The following MTHFD1 variants were observed in gnomAD, a reference collection of about 807,000 sequenced individuals.
MTHFD1 encodes methylenetetrahydrofolate dehydrogenase, cyclohydrolase and formyltetrahydrofolate synthetase 1, also known as C-1-tetrahydrofolate synthase, cytoplasmic.
A neutral mutation model predicts 110.3 loss-of-function variants in MTHFD1; 44 were observed. The ratio of observed to expected loss-of-function variants is 0.40; its 90% CI spans 0.31 to 0.51. The LOEUF (loss-of-function observed/expected upper bound fraction) is 0.51. Ranked by LOEUF, MTHFD1 falls within the 20% of genes least tolerant of loss-of-function variation. The probability of loss-of-function intolerance (pLI) is 0.60; values close to 1 mark genes in which losing one functional copy is unlikely to be tolerated. For missense variants in MTHFD1, 909 were observed against 1,173.1 expected, an observed-to-expected ratio of 0.77 and a Z score of 3.29; for synonymous variants, 402 against 428.8, an observed-to-expected ratio of 0.94 and a Z score of 0.77.
intron 2 of MTHFD1, among the ~76,000 whole-genome samples, chr14:64,403,562 C>T (rs1459919511): frequency 6.7e-6 from 1 of 149,954 alleles, no homozygotes; most frequent in African/African-American, 2.4e-5. Context: ...GCCACTGCGC[C>T]CAGCCTTAAT....
chr14:64,454,920 C>T (rs1409541571), intron 26 of MTHFD1, 45 bp downstream of exon 26: 3 of 1,597,388 alleles, frequency 1.9e-6, no homozygotes, highest in South Asian at 1.1e-5. Flanking sequence ...CTGCACTTCT[C>T]GTCTGAAGTG....
chr14:64,444,565 A>T, intron 21 of MTHFD1, 128 bp from the exon 22 acceptor site: 2 of 1,059,224 alleles, frequency 1.9e-6, no homozygotes, highest in Admixed American at 1.9e-5. Context: ...TTAGGGCAGG[A>T]AATAATCTTA....
chr14:64,455,910 T>C (rs911972869), intron 26 of MTHFD1, among the ~76,000 whole-genome samples: 34 of 152,336 alleles, frequency 2.2e-4, no homozygotes, highest in African/African-American at 7.7e-4. Flanking sequence ...TAGCTCTCTA[T>C]AGAGAGCAGA....
In MTHFD1 at chr14:64,424,853, C is replaced by G. The variant is rs138933024; in HGVS notation, c.777C>G (p.Asp259Glu). 1 of 1,613,974 alleles carries G rather than the reference C, an allele frequency of 6.2e-7. No homozygotes were observed. The highest frequency in any genetic ancestry group is 1.3e-5 in the African/African-American group (1 of 74,902). ...GRKVVGDVAYDEAKERASFIT... is the reference protein window; with the variant it reads ...GRKVVGDVAYEEAKERASFIT... The stretch of plus-strand genomic sequence containing the variant: ...AAGTTGTGGGTGATGTGGCATACGA[C>G]GAGGCCAAAGAGAGGGCGAGCTTCA... Residue 259 changes from aspartate (D) to glutamate (E), a missense_variant, in exon 9 of 28, where the codon GAC becomes GAG. Physicochemically the swap from Asp to Glu is conservative, Grantham distance 45. Around this residue, in one of 3 missense-constraint regions of MTHFD1, gnomAD observed 424 missense variants for 510.4 expected, o/e 0.83. Transcript: ENST00000652337.
rs140430249 is a variant in MTHFD1 at position 64,392,076 on chromosome 14, C to G, written c.41+3608C>G. Among the ~76,000 whole-genome samples, 110 of 152,320 alleles carry G rather than the reference C, an allele frequency of 7.2e-4. No homozygotes were observed. In the East Asian group the frequency reaches 0.016, roughly 23 times the overall value. ...GGAGTCATAGTCTTTGTAAAAGTGA[C>G]TTACGGGCAAAGACTTGAAGGAGGT... On this transcript the variant is annotated intron_variant, in intron 1 of 27. Coordinates refer to ENST00000652337, the MANE Select transcript of MTHFD1 (RefSeq NM_005956.4).
chr14:64,444,267 G>C (rs1478792083), intron 21 of MTHFD1, among the ~76,000 whole-genome samples: 2 of 152,134 alleles, frequency 1.3e-5, no homozygotes, highest in Non-Finnish European at 2.9e-5. Context: ...CTGTGGACCA[G>C]TTCATGAAAC....
intron 2 of MTHFD1, among the ~76,000 whole-genome samples, chr14:64,402,779 A>G (rs1162150565): frequency 2.8e-5 from 3 of 106,110 alleles, no homozygotes; most frequent in African/African-American, 1.1e-4. Flanking sequence ...ACTGTACTCC[A>G]GCTTAGGTGA....
At chr14:64,416,687 A>G (rs1335471725) in intron 6 of MTHFD1, among the ~76,000 whole-genome samples, 1 of 152,230 alleles carries the variant, frequency 6.6e-6, no homozygotes, top group Non-Finnish European at 1.5e-5. Context: ...TTGGCAAGAA[A>G]AGGTCAAAGG....
chr14:64,457,459 CTT>C (rs35789478), intron 26 of MTHFD1, among the ~76,000 whole-genome samples: 23 of 143,082 alleles, frequency 1.6e-4, no homozygotes, highest in Admixed American at 1.4e-4. Context: ...TTTTCTTTTC[CTT>C]TTTTTTTTTT....
intron 16 of MTHFD1, among the ~76,000 whole-genome samples, chr14:64,438,198 A>G (rs2078221522): frequency 6.6e-6 from 1 of 152,112 alleles, no homozygotes; most frequent in South Asian, 2.1e-4. Context: ...ATACACCCCT[A>G]ACACCTTACC....
intron 24 of MTHFD1, among the ~76,000 whole-genome samples, chr14:64,450,004 C>G (rs1011775103): frequency 1.3e-4 from 20 of 152,186 alleles, no homozygotes; most frequent in African/African-American, 4.8e-4. Context: ...CTTGGCCAGG[C>G]TGGTCTCGAA....
At position 64,412,625 on chromosome 14, in the gene MTHFD1, C is replaced by T. The variant is rs963147794; in HGVS notation, c.240+100C>T. 2.6e-5 allele frequency: 20 copies of T among 775,744 alleles called. No individual in the cohort carries two copies. The Admixed American group carries it at 2.6e-4, about 10-fold the overall frequency. 48.1% of individuals were successfully genotyped at this position (775,744 alleles called of 1,614,324 possible). On this transcript the variant is annotated intron_variant, in intron 4 of 27. Transcript: ENST00000652337. ...TGGGGACTGACACATTTAGCCAAGACCTCCAGGTATTTTTTTTTTTTTTTT... is the reference window on the plus strand; with the variant it reads ...TGGGGACTGACACATTTAGCCAAGATCTCCAGGTATTTTTTTTTTTTTTTT...
intron 16 of MTHFD1, among the ~76,000 whole-genome samples, chr14:64,436,810 T>G (rs374560364): frequency 5.3e-5 from 8 of 152,370 alleles, no homozygotes; most frequent in African/African-American, 1.9e-4. Context: ...AAGTCCATTT[T>G]GAAGATTTAG....
At chr14:64,395,152 T>A (rs886527318) in intron 1 of MTHFD1, among the ~76,000 whole-genome samples, 1 of 152,242 alleles carries the variant, frequency 6.6e-6, no homozygotes, top group African/African-American at 2.4e-5. Flanking sequence ...CCTTGTCTTG[T>A]CTCATAACTC....
chr14:64,406,225 G>C (rs1416680890), intron 2 of MTHFD1, among the ~76,000 whole-genome samples: 1 of 151,324 alleles, frequency 6.6e-6, no homozygotes. Context: ...TTTTAGTTGA[G>C]ATGAGATTTC....
chr14:64,425,903 A>T, intron 10 of MTHFD1, 76 bp downstream of exon 10: 1 of 1,566,240 alleles, frequency 6.4e-7, no homozygotes, highest in Non-Finnish European at 8.8e-7. Flanking sequence ...GGGTTCACAT[A>T]TGCTCCCTCT....
intron 1 of MTHFD1, 193 bp downstream of exon 1, chr14:64,388,661 T>C: frequency 1.5e-6 from 1 of 651,112 alleles, no homozygotes; most frequent in Non-Finnish European, 2.8e-6. Flanking sequence ...GCCTAGTGGC[T>C]GTAGCCGCTG....
intron 16 of MTHFD1, among the ~76,000 whole-genome samples, chr14:64,436,220 G>A (rs972439963): frequency 1.3e-5 from 2 of 151,814 alleles, no homozygotes; most frequent in African/African-American, 4.8e-5. Flanking sequence ...TCAGCCTCCC[G>A]AGTAACTGGG....
chr14:64,454,973 A>G (rs374776925), intron 26 of MTHFD1, 98 bp downstream of exon 26: 4 of 1,277,872 alleles, frequency 3.1e-6, no homozygotes, highest in East Asian at 2.3e-5. Context: ...AGCAGAGTTC[A>G]CTGCCCAGAA....
Sources: gnomAD v4.1 joint callset for allele counts (sites outside exome capture counted in the v4.1 genomes callset) on GRCh38, gnomAD v4.1.1 for gene constraint, gnomAD v4.1.1 regional missense constraint, MANE v1.5 for transcripts, NCBI Gene and HGNC (gene_info 2026-07-23, HGNC 2026-07-21) for gene names.